MACF1: variants seen among roughly 807,000 people sequenced by gnomAD.
MACF1 encodes the protein microtubule-actin cross-linking factor 1.
MACF1 carries 193 observed loss-of-function variants against 854.8 expected under a neutral mutation model. The observed-to-expected ratio is 0.23, with a 90% CI of 0.20 to 0.25. MACF1 has a LOEUF of 0.25. MACF1 is among the 10% of genes least tolerant of loss of function. MACF1 has a pLI of 1.00. For synonymous variants in MACF1, 3,185 were observed against 3,226.7 expected (o/e 0.99, Z 0.44); for missense variants, 7,722 against 8,929.1 (o/e 0.86, Z 5.45).
chr1:39,239,476 G>A (rs1237927094), intron 2 of MACF1, among the ~76,000 whole-genome samples: 1 of 152,106 alleles, frequency 6.6e-6, no homozygotes, highest in Non-Finnish European at 1.5e-5. Flanking sequence ...GATTTGTTAA[G>A]GATATAAGCA....
Position 39,205,014 on chromosome 1 carries a change from G to A in MACF1, c.-9G>A, listed in dbSNP as rs1455693432. The stretch of plus-strand genomic sequence containing the variant: ...CTAACTCAAGGGAGGAGAAAGGACG[G>A]GCCTGGAAATGCCCCTCTTAGATTC... On this transcript the variant is annotated 5_prime_UTR_variant, in exon 1 of 101. Coordinates refer to ENST00000564288, the MANE Select transcript of MACF1 (RefSeq NM_001394062.1). The A allele has an allele frequency of 1.4e-6, 1 of 702,932 alleles. No homozygotes were observed. Among genetic ancestry groups the A allele is most frequent in the East Asian group, 2.7e-5 (1 of 37,282 alleles). 43.5% of individuals were successfully genotyped at this position (702,932 alleles called of 1,614,324 possible). A position where few individuals can be genotyped will look rare whatever the true frequency, so the allele number is the denominator to read the frequency against.
At chr1:39,228,193 C>T (rs1644738040) in intron 1 of MACF1, among the ~76,000 whole-genome samples, 1 of 152,140 alleles carries the variant, frequency 6.6e-6, no homozygotes, top group Non-Finnish European at 1.5e-5. Flanking sequence ...CACCTGTAAT[C>T]GCAGCTACTC....
In MACF1 at chr1:39,336,020, C is replaced by T; in HGVS notation, c.9432C>T (p.Thr3144=). 1 of 1,614,056 alleles carries T rather than the reference C, an allele frequency of 6.2e-7. No homozygotes were observed. The highest frequency in any genetic ancestry group is 8.5e-7 in the Non-Finnish European group (1 of 1,180,006). Residue 3144 remains threonine, a synonymous_variant, in exon 37 of 101, where the codon ACC becomes ACT. Transcript: ENST00000564288. The part of the protein sequence containing the change: ...KSFQGTTRQE[T]NYQDSWVTSK... ...TCCAAGGAACCACCAGACAGGAGAC[C>T]AACTATCAAGATTCCTGGGTTACTT...
At chr1:39,376,761 G>A (rs944607238) in intron 52 of MACF1, among the ~76,000 whole-genome samples, 2 of 152,074 alleles carry the variant, frequency 1.3e-5, no homozygotes, top group African/African-American at 2.4e-5. Context: ...TGTCACCCAG[G>A]CTGGAGTACG....
At chr1:39,137,783 T>A (rs1643217015) in intron 2 of MACF1, among the ~76,000 whole-genome samples, 2 of 152,098 alleles carry the variant, frequency 1.3e-5, no homozygotes, top group Admixed American at 1.3e-4. Context: ...CTTAAAAAAA[T>A]TTGTCTGAGG....
rs151232888 is a variant in MACF1 at position 39,119,501 on chromosome 1, G to A, written c.220+35063G>A. ...GTATTGTGATCTCTTTGAAGGTCTAGATTGTGTCTGATGAGATGCATATGA... is the reference window on the plus strand; with the variant it reads ...GTATTGTGATCTCTTTGAAGGTCTAAATTGTGTCTGATGAGATGCATATGA... On this transcript the variant is annotated intron_variant, in intron 2 of 93. Coordinates refer to the MACF1 transcript ENST00000361689. 1.7e-3 allele frequency among the ~76,000 whole-genome samples: 262 copies of A among 152,230 alleles called. 1 individual carries two copies. The highest frequency in any genetic ancestry group is 6.1e-3 in the African/African-American group (255 of 41,542).
intron 2 of MACF1, among the ~76,000 whole-genome samples, chr1:39,239,257 G>A (rs1644893918): frequency 6.6e-6 from 1 of 151,508 alleles, no homozygotes; most frequent in South Asian, 2.1e-4. Context: ...CTCCAGCGTG[G>A]GTGACAGAGC....
chr1:39,233,374 A>G (rs1015483358), intron 2 of MACF1, among the ~76,000 whole-genome samples: 3 of 151,836 alleles, frequency 2.0e-5, no homozygotes, highest in African/African-American at 7.3e-5. Context: ...GTGTTCTTTC[A>G]TTTTACTTCT....
Position 39,356,802 on chromosome 1 carries a change from A to T in MACF1, c.11425-573A>T, listed in dbSNP as rs1293521961. On this transcript the variant is annotated intron_variant, in intron 44 of 100. Transcript: ENST00000564288. ...GGTTTGAGTTGCAGTTCTGTTCGTTAACAAACTGCATGACCTTAGTCAAGA... is the reference window on the plus strand; with the variant it reads ...GGTTTGAGTTGCAGTTCTGTTCGTTTACAAACTGCATGACCTTAGTCAAGA... Among the ~76,000 whole-genome samples the T allele has an allele frequency of 4.6e-5, 7 of 152,366 alleles. No homozygotes were observed. In the East Asian group the frequency reaches 1.3e-3, roughly 29 times the overall value.
At chr1:39,288,443 A>G (rs1645694545) in intron 15 of MACF1, among the ~76,000 whole-genome samples, 1 of 149,510 alleles carries the variant, frequency 6.7e-6, no homozygotes, top group African/African-American at 2.5e-5. Flanking sequence ...GCTTGCAGTG[A>G]GCTGAGATTG....
intron 40 of MACF1, among the ~76,000 whole-genome samples, chr1:39,343,854 G>A (rs922068124): frequency 6.6e-6 from 1 of 152,214 alleles, no homozygotes; most frequent in Non-Finnish European, 1.5e-5. Flanking sequence ...GGTGGCTCAC[G>A]CCTGTAATCC....
In MACF1 at chr1:39,295,889, TG is replaced by T; in HGVS notation, c.2355+9del. The T allele has an allele frequency of 6.2e-7, 1 of 1,612,188 alleles. No homozygotes were observed. The highest frequency in any genetic ancestry group is 8.5e-7 in the Non-Finnish European group (1 of 1,178,570). The stretch of plus-strand genomic sequence containing the variant: ...GAATACTGCTTATTTTCAGGTGTGA[TG>T]GATTTCTGTGTTTGTGTGTGTGTGT... On this transcript the variant is annotated splice_region_variant and intron_variant, in intron 20 of 100. Coordinates refer to ENST00000564288, the MANE Select transcript of MACF1 (RefSeq NM_001394062.1).
chr1:39,432,682 T>G (rs755354585), intron 67 of MACF1, 28 bp downstream of exon 67: 1 of 1,606,178 alleles, frequency 6.2e-7, no homozygotes, highest in Non-Finnish European at 8.5e-7. Flanking sequence ...CCTGAGCTAA[T>G]AGAATCATCA....
intron 58 of MACF1, among the ~76,000 whole-genome samples, chr1:39,407,968 ACTTT>A (rs1415134892): frequency 2.0e-5 from 3 of 152,034 alleles, no homozygotes; most frequent in Non-Finnish European, 4.4e-5. Flanking sequence ...TGCCCTTTGT[ACTTT>A]CTTTGTTTAA....
In MACF1 at chr1:39,460,351, G is replaced by C. The variant is rs1379447073; in HGVS notation, c.21361-281G>C. ...TTGAAAAGCCCAAAGGGAAAGCAAG[G>C]CTGGCTTCACCCATTCTCATTCTGT... On this transcript the variant is annotated intron_variant, in intron 91 of 100. Transcript: ENST00000564288. The surrounding 1 kb of genome is among the most constrained non-coding windows in gnomAD (Gnocchi z 4.1). Among the ~76,000 whole-genome samples the C allele has an allele frequency of 6.6e-6, 1 of 152,208 alleles. No individual in the cohort carries two copies. Among genetic ancestry groups the C allele is most frequent in the African/African-American group, 2.4e-5 (1 of 41,442 alleles).
At chr1:39,158,522 A>G (rs1643734821) in intron 2 of MACF1, among the ~76,000 whole-genome samples, 1 of 152,226 alleles carries the variant, frequency 6.6e-6, no homozygotes, top group African/African-American at 2.4e-5. Flanking sequence ...TGTGGTGAGC[A>G]TGGCCCTTTA....
At chr1:39,319,607 TC>T in intron 30 of MACF1, 56 bp from the exon 31 acceptor site, 1 of 1,193,464 alleles carries the variant, frequency 8.4e-7, no homozygotes, top group Non-Finnish European at 1.2e-6. Context: ...TAGTAAATGT[TC>T]AGCTCTTTCA....
intron 1 of MACF1, among the ~76,000 whole-genome samples, chr1:39,227,943 G>C (rs1201059518): frequency 6.6e-6 from 1 of 152,108 alleles, no homozygotes; most frequent in Non-Finnish European, 1.5e-5. Context: ...TACCCAGGTA[G>C]GCTTAACCTC....
At chr1:39,381,091 C>T (rs1435224337) in intron 55 of MACF1, among the ~76,000 whole-genome samples, 1 of 151,336 alleles carries the variant, frequency 6.6e-6, no homozygotes, top group African/African-American at 2.4e-5. Flanking sequence ...GGAGTTTGCT[C>T]TTGTTGTCCA....
Sources: allele counts gnomAD v4.1 joint callset (sites outside exome capture counted in the v4.1 genomes callset), GRCh38; gene constraint gnomAD v4.1.1; non-coding constraint Gnocchi (gnomAD v3.1); transcripts MANE v1.5; gene names NCBI Gene and HGNC (gene_info 2026-07-23, HGNC 2026-07-21).